CMSS1: variants seen among roughly 807,000 people sequenced by gnomAD.
CMSS1 encodes protein CMSS1.
A neutral mutation model predicts 43.5 loss-of-function variants in CMSS1; 33 were observed. The observed-to-expected ratio is 0.76, with a 90% confidence interval of 0.57 to 1.01. The LOEUF is 1.01. CMSS1 is among the 50% of genes least tolerant of loss of function. The pLI, the probability that CMSS1 is intolerant of heterozygous loss-of-function variation, is 0.00. For missense variants in CMSS1, 313 were observed against 326.4 expected (o/e 0.96, Z 0.32); for synonymous variants, 115 against 117.2 (o/e 0.98, Z 0.12).
intron 1 of CMSS1, among the ~76,000 whole-genome samples, chr3:99,872,936 AAGG>A (rs760939148): frequency 7.9e-5 from 12 of 152,058 alleles, no homozygotes; most frequent in Non-Finnish European, 1.2e-4. Flanking sequence ...TTTTTAAAAA[AAGG>A]AGGGATGTGC....
chr3:99,887,494 T>G (rs965992062), intron 1 of CMSS1, among the ~76,000 whole-genome samples: 1 of 152,154 alleles, frequency 6.6e-6, no homozygotes, highest in Non-Finnish European at 1.5e-5. Context: ...AGAGGTCACA[T>G]AAGATGGATC....
At chr3:100,114,891 C>T (rs1434795659) in intron 1 of CMSS1, 12 of 1,315,208 alleles carry the variant, frequency 9.1e-6, no homozygotes, top group African/African-American at 5.8e-5. Context: ...CTATTATTAA[C>T]GCTGTGTTGG....
intron 1 of CMSS1, among the ~76,000 whole-genome samples, chr3:99,920,015 CT>C (rs1438464533): frequency 6.6e-6 from 1 of 152,194 alleles, no homozygotes. Context: ...ACCATTTGAA[CT>C]TCTGATTTAC....
intron 1 of CMSS1, among the ~76,000 whole-genome samples, chr3:100,057,670 T>C (rs1047779645): frequency 6.6e-6 from 1 of 152,210 alleles, no homozygotes; most frequent in Admixed American, 6.5e-5. Flanking sequence ...TATGGGACAG[T>C]TGGTTTCATG....
At chr3:100,031,511 C>G (rs1401323789) in intron 1 of CMSS1, among the ~76,000 whole-genome samples, 1 of 152,088 alleles carries the variant, frequency 6.6e-6, no homozygotes, top group Non-Finnish European at 1.5e-5. Context: ...CAGAGCGCAA[C>G]AAGGAAGAAG....
At chr3:99,827,894 G>A (rs1442997765) in intron 1 of CMSS1, among the ~76,000 whole-genome samples, 1 of 152,176 alleles carries the variant, frequency 6.6e-6, no homozygotes, top group Non-Finnish European at 1.5e-5. Flanking sequence ...GTGAGCCACC[G>A]TGCCTGGCTT....
chr3:100,020,698 C>G (rs940719812), intron 1 of CMSS1, among the ~76,000 whole-genome samples: 1 of 148,610 alleles, frequency 6.7e-6, no homozygotes, highest in Non-Finnish European at 1.5e-5. Flanking sequence ...AATTGCAAAG[C>G]GAGTATACAT....
chr3:100,133,211 C>A (rs1414938383), intron 1 of CMSS1, among the ~76,000 whole-genome samples: 1 of 152,088 alleles, frequency 6.6e-6, no homozygotes, highest in East Asian at 1.9e-4. Context: ...TGTAGACAAA[C>A]CATGGTTTAC....
chr3:99,933,375 T>C (rs1707551108), intron 1 of CMSS1, among the ~76,000 whole-genome samples: 1 of 152,122 alleles, frequency 6.6e-6, no homozygotes, highest in South Asian at 2.1e-4. Context: ...AGCAAAGGCA[T>C]AGAAGGGATA....
At chr3:99,845,877 A>C (rs955092610) in intron 1 of CMSS1, among the ~76,000 whole-genome samples, 1 of 152,190 alleles carries the variant, frequency 6.6e-6, no homozygotes, top group Non-Finnish European at 1.5e-5. Flanking sequence ...CTTCTAAAAG[A>C]GGTATTCCTT....
chr3:100,012,381 G>A (rs1710183094), intron 1 of CMSS1, among the ~76,000 whole-genome samples: 1 of 152,056 alleles, frequency 6.6e-6, no homozygotes, highest in South Asian at 2.1e-4. Context: ...ATCATTAAAA[G>A]CCCAAAACGA....
At chr3:100,055,509 T>C (rs1378925933) in intron 1 of CMSS1, among the ~76,000 whole-genome samples, 1 of 152,230 alleles carries the variant, frequency 6.6e-6, no homozygotes, top group Non-Finnish European at 1.5e-5. Context: ...AAAGACTGTC[T>C]TTACCTTTAT....
intron 1 of CMSS1, among the ~76,000 whole-genome samples, chr3:100,093,125 T>C (rs2066141802): frequency 6.6e-6 from 1 of 152,176 alleles, no homozygotes. Flanking sequence ...TAGCTCATTT[T>C]AAACATACTC....
intron 1 of CMSS1, among the ~76,000 whole-genome samples, chr3:100,141,165 G>A (rs2066801430): frequency 6.9e-6 from 1 of 144,500 alleles, no homozygotes; most frequent in Non-Finnish European, 1.5e-5. Flanking sequence ...GCACATCTGT[G>A]TCATGATCTA....
intron 8 of CMSS1, among the ~76,000 whole-genome samples, chr3:100,173,776 A>T (rs2067128283): frequency 6.6e-6 from 1 of 152,192 alleles, no homozygotes; most frequent in African/African-American, 2.4e-5. Context: ...CAAGGAATTG[A>T]TGAGGAGGTA....
intron 1 of CMSS1, among the ~76,000 whole-genome samples, chr3:100,018,894 G>A (rs1172867645): frequency 1.3e-5 from 2 of 152,022 alleles, no homozygotes; most frequent in African/African-American, 4.8e-5. Flanking sequence ...CAAAGGCCCT[G>A]AATAGACATC....
At chr3:100,118,953 C>T (rs2066597966) in intron 1 of CMSS1, among the ~76,000 whole-genome samples, 1 of 152,142 alleles carries the variant, frequency 6.6e-6, no homozygotes, top group South Asian at 2.1e-4. Flanking sequence ...GAAAAACATT[C>T]CTAATCTTTT....
intron 1 of CMSS1, among the ~76,000 whole-genome samples, chr3:100,113,758 C>G (rs143052485): frequency 6.6e-6 from 1 of 152,256 alleles, no homozygotes; most frequent in East Asian, 1.9e-4. Context: ...TTTTGACTAT[C>G]CATCTTACTC....
At position 100,038,583 on chromosome 3, in the gene CMSS1, G is replaced by A. The variant is rs557490520; in HGVS notation, c.65-108390G>A. Among the ~76,000 whole-genome samples, 4 of 152,242 alleles carry A rather than the reference G, an allele frequency of 2.6e-5. No individual in the cohort carries two copies. The East Asian group carries it at 7.7e-4, about 29-fold the overall frequency. On this transcript the variant is annotated intron_variant, in intron 1 of 9. Transcript: ENST00000421999. ...AAATAACCTAAATGTACTTTTGTAG[G>A]GACTGGAAGTAAATAGGATTATTCA... is the stretch of plus-strand genomic sequence containing the variant.
Sources: allele counts gnomAD v4.1 joint callset (sites outside exome capture counted in the v4.1 genomes callset), GRCh38; gene constraint gnomAD v4.1.1; transcripts MANE v1.5; gene names NCBI Gene and HGNC (gene_info 2026-07-23, HGNC 2026-07-21).